COL18A1: variants seen among roughly 807,000 people sequenced by gnomAD.
The protein encoded by COL18A1 is collagen alpha-1(XVIII) chain.
COL18A1 carries 133 observed loss-of-function variants against 168.0 expected under a neutral mutation model. The ratio of observed to expected loss-of-function variants is 0.79; its 90% confidence interval spans 0.69 to 0.91. COL18A1 has a LOEUF of 0.91. Among genes scored for constraint, COL18A1 ranks in the 40% least tolerant of loss-of-function variants. The pLI is 0.00. For synonymous variants in COL18A1, 949 were observed against 809.0 expected (o/e 1.17, Z -2.94); for missense variants, 2,126 against 1,925.4 (o/e 1.10, Z -1.95).
intron 2 of COL18A1, among the ~76,000 whole-genome samples, chr21:45,413,589 C>T (rs553741777): frequency 3.3e-5 from 5 of 149,350 alleles, no homozygotes; most frequent in African/African-American, 1.3e-4. Context: ...CATGTGCTGC[C>T]TCTGAGGAGG....
At chr21:45,470,334 A>G (rs915685226) in intron 3 of COL18A1, among the ~76,000 whole-genome samples, 1 of 150,570 alleles carries the variant, frequency 6.6e-6, no homozygotes, top group Non-Finnish European at 1.5e-5. Flanking sequence ...TCAGTGATTT[A>G]TACAAACTCC....
At chr21:45,490,504 G>A (rs943908681) in intron 20 of COL18A1, among the ~76,000 whole-genome samples, 158 bp downstream of exon 20, 4 of 149,542 alleles carry the variant, frequency 2.7e-5, no homozygotes, top group African/African-American at 5.0e-5. Flanking sequence ...CCGGGTCTCT[G>A]GGCCTCCGTG....
rs112247996 is a variant in COL18A1, at chr21:45,420,969, G to A, written c.106+15496G>A. 365 of 160,896 alleles carry A rather than the reference G, an allele frequency of 2.3e-3. 3 individuals are homozygous for A. Among genetic ancestry groups the A allele is most frequent in the African/African-American group, 7.3e-3 (303 of 41,762 alleles). The allele number at this position is 160,896 out of a possible 1,614,324, so 10.0% of individuals were successfully genotyped here. ...TCCTGCCTGTGTCTGTCCTGGTCAC[G>A]GATTCCTACCTCTGTCCCAGGAGGG... On this transcript the variant is annotated intron_variant, in intron 2 of 41. Transcript: ENST00000651438.
chr21:45,456,490 T>C (rs2034822083), intron 2 of COL18A1: 1 of 1,548,006 alleles, frequency 6.5e-7, no homozygotes, highest in Non-Finnish European at 8.7e-7. Flanking sequence ...CTAATAACTC[T>C]GCCCTGCTCG....
In COL18A1 at chr21:45,505,233, C is replaced by T. The variant is rs2037122638; in HGVS notation, c.2968C>T (p.Pro990Ser). 3.1e-6 allele frequency: 5 copies of T among 1,597,820 alleles called. No individual in the cohort carries two copies. The highest frequency in any genetic ancestry group is 4.3e-6 in the Non-Finnish European group (5 of 1,170,194). Residue 990 changes from proline (P) to serine (S), a missense_variant, in exon 35 of 42, where the codon CCA (proline) becomes TCA (serine). Coordinates refer to ENST00000651438, the MANE Select transcript of COL18A1 (RefSeq NM_001379500.1). ...GGGGCGCCAGGGCCCTCCCGGCCCC[C>T]CAGGCCCCCCAGGGCCCCCTTCATT... ...YEGRQGPPGP[P>S]GPPGPPSFPG... is the part of the protein sequence containing the mutation.
intron 13 of COL18A1, among the ~76,000 whole-genome samples, chr21:45,481,195 A>G (rs942440630): frequency 1.3e-5 from 2 of 152,158 alleles, no homozygotes; most frequent in African/African-American, 4.8e-5. Flanking sequence ...CGAGGTCAGC[A>G]TTGCTGGAGG....
rs1174405532 is a variant in COL18A1, at chr21:45,497,655, C to T, written c.2677C>T (p.Pro893Ser). 1.9e-6 allele frequency: 3 copies of T among 1,567,032 alleles called. No individual in the cohort carries two copies. Among genetic ancestry groups the T allele is most frequent in the Admixed American group, 3.8e-5 (2 of 53,326 alleles). Residue 893 changes from proline to serine, a missense_variant, in exon 32 of 42, where the codon CCA becomes TCA. Physicochemically the swap from Pro to Ser is moderately conservative, Grantham distance 74. Transcript: ENST00000651438. ...GAKGEVGPPG[P>S]PGQFPFDFLQ... The stretch of plus-strand genomic sequence containing the variant: ...CAAAGGAGAAGTGGGCCCCCCCGGA[C>T]CACCAGGTGAGCAACTCTGGACATC...
rs1242535243 is a variant in COL18A1, at chr21:45,425,645, T to C, written c.106+20172T>C. 6.6e-6 allele frequency among the ~76,000 whole-genome samples: 1 copy of C among 152,120 alleles called. No homozygotes were observed. Among genetic ancestry groups the C allele is most frequent in the Non-Finnish European group, 1.5e-5 (1 of 68,018 alleles). On this transcript the variant is annotated intron_variant, in intron 2 of 41. Coordinates refer to ENST00000651438, the MANE Select transcript of COL18A1 (RefSeq NM_001379500.1). This position sits in a 1 kb window ranked among gnomAD's most constrained non-coding sequence, Gnocchi z 4.1. ...TGGAGTCAGAGGGTCCCTCTCGTCG[T>C]CCAGCCTCCCCGGCTCCTCAGGGGG...
chr21:45,498,083 G>A lies in COL18A1; in HGVS notation c.2683+422G>A. 1.6e-6 allele frequency: 1 copy of A among 610,080 alleles called. No individual in the cohort carries two copies. The highest frequency in any genetic ancestry group is 2.7e-5 in the East Asian group (1 of 36,602). 37.8% of individuals were successfully genotyped at this position (610,080 alleles called of 1,614,324 possible). A position where few individuals can be genotyped will look rare whatever the true frequency, so the allele number is the denominator to read the frequency against. ...GGCGTTGCCCGACAGGCCGTCTGGAGGGTGAGCCCAGCACCCCTGCTCCCC... is the reference window on the plus strand; with the variant it reads ...GGCGTTGCCCGACAGGCCGTCTGGAAGGTGAGCCCAGCACCCCTGCTCCCC... On this transcript the variant is annotated intron_variant, in intron 32 of 41. Coordinates refer to ENST00000651438, the MANE Select transcript of COL18A1 (RefSeq NM_001379500.1). This position sits in a 1 kb window ranked among gnomAD's most constrained non-coding sequence, Gnocchi z 4.5.
chr21:45,474,699 C>T (rs894480646), intron 4 of COL18A1, among the ~76,000 whole-genome samples: 5 of 152,362 alleles, frequency 3.3e-5, no homozygotes, highest in Non-Finnish European at 4.4e-5. Flanking sequence ...ACATGCCCCA[C>T]GTGAACATGG....
chr21:45,428,875 C>G (rs533769179), intron 2 of COL18A1, among the ~76,000 whole-genome samples: 1 of 151,772 alleles, frequency 6.6e-6, no homozygotes, highest in African/African-American at 2.4e-5. Flanking sequence ...TCTCTGCACT[C>G]GAGACTATAG....
In COL18A1 at chr21:45,469,331, C is replaced by T. The variant is rs568833309; in HGVS notation, c.651+545C>T. 3.9e-5 allele frequency among the ~76,000 whole-genome samples: 6 copies of T among 152,354 alleles called. No individual in the cohort carries two copies. The East Asian group carries it at 7.7e-4, about 20-fold the overall frequency. Reference sequence around the variant, plus strand: ...AAAACGATGAACGATCCAAAGCTGGCGGCAGCAGGGTGTTGATCCCAGCAG... The same window carrying T: ...AAAACGATGAACGATCCAAAGCTGGTGGCAGCAGGGTGTTGATCCCAGCAG... On this transcript the variant is annotated intron_variant, in intron 3 of 41. Transcript: ENST00000651438.
chr21:45,455,678 G>A lies in COL18A1; in HGVS notation c.107-12564G>A, dbSNP rs773035029. 6 of 1,613,864 alleles carry A rather than the reference G, an allele frequency of 3.7e-6. No homozygotes were observed. The East Asian group carries it at 1.3e-4, about 36-fold the overall frequency. On this transcript the variant is annotated intron_variant, in intron 2 of 41. Coordinates refer to ENST00000651438, the MANE Select transcript of COL18A1 (RefSeq NM_001379500.1). ...AGCTACCACGATCCCTGAGCCCCAGGGGCCCCTGCCTGTGCAGCCCACAGC... is the reference window on the plus strand; with the variant it reads ...AGCTACCACGATCCCTGAGCCCCAGAGGCCCCTGCCTGTGCAGCCCACAGC...
intron 15 of COL18A1, 146 bp downstream of exon 15, chr21:45,482,967 C>A: frequency 8.1e-7 from 1 of 1,229,310 alleles, no homozygotes; most frequent in Non-Finnish European, 1.2e-6. Flanking sequence ...ATCTGTCCAT[C>A]CGTCCTGCCG....
chr21:45,437,943 CAG>C (rs1376964730), intron 2 of COL18A1, among the ~76,000 whole-genome samples: 1 of 61,238 alleles, frequency 1.6e-5, no homozygotes, highest in Admixed American at 1.5e-4. Flanking sequence ...CACACACACT[CAG>C]ACACACAGGC....
At chr21:45,469,264 G>A (rs1196779420) in intron 3 of COL18A1, among the ~76,000 whole-genome samples, 1 of 152,236 alleles carries the variant, frequency 6.6e-6, no homozygotes, top group East Asian at 1.9e-4. Context: ...CCAGCCACAC[G>A]CCTCGTGGCC....
intron 41 of COL18A1, 29 bp from the exon 42 acceptor site, chr21:45,512,159 T>C: frequency 1.9e-6 from 3 of 1,597,798 alleles, no homozygotes; most frequent in Non-Finnish European, 2.6e-6. Context: ...CAGGTCTGGG[T>C]TTGACTGACG....
At chr21:45,417,549 C>T (rs867390961) in intron 2 of COL18A1, among the ~76,000 whole-genome samples, 13 of 152,334 alleles carry the variant, frequency 8.5e-5, no homozygotes, top group Middle Eastern at 6.8e-3. Flanking sequence ...CCCAGCTGCC[C>T]TCTCTGTGGC....
chr21:45,413,500 T>A (rs778865804), intron 2 of COL18A1, among the ~76,000 whole-genome samples: 9 of 152,242 alleles, frequency 5.9e-5, no homozygotes, highest in Non-Finnish European at 1.2e-4. Flanking sequence ...AAGCCGGGCC[T>A]CTTTTGCCCC....
Sources: gnomAD v4.1 joint callset for allele counts (sites outside exome capture counted in the v4.1 genomes callset) on GRCh38, gnomAD v4.1.1 for gene constraint, Gnocchi (gnomAD v3.1) non-coding constraint, MANE v1.5 for transcripts, NCBI Gene and HGNC (gene_info 2026-07-23, HGNC 2026-07-21) for gene names.